The following GDE1 variants were observed in gnomAD, a reference collection of about 807,000 sequenced individuals.
The protein encoded by GDE1 is RGS16-interacting membrane protein.
Under a neutral mutation model 32.2 loss-of-function variants are expected in GDE1, and 24 were observed. The ratio of observed to expected loss-of-function variants is 0.75; its 90% CI spans 0.54 to 1.05. The LOEUF is 1.05. GDE1 is among the 50% of genes least tolerant of loss of function. The pLI is 0.00. For missense variants in GDE1, 380 were observed against 415.0 expected, an observed-to-expected ratio of 0.92 and a Z score of 0.73; for synonymous variants, 159 against 158.6, an observed-to-expected ratio of 1.00 and a Z score of -0.02.
At chr16:19,505,660 G>A (rs565752705) in intron 4 of GDE1, among the ~76,000 whole-genome samples, 3 of 152,152 alleles carry the variant, frequency 2.0e-5, no homozygotes, top group African/African-American at 7.2e-5. Flanking sequence ...GCTCCTCTGG[G>A]GGAATGTCTT....
rs551330107 is a variant in GDE1, at chr16:19,503,801, C to T, written c.849-184G>A. ...CAGGATGCCATGAACCTCCTCTACA[C>T]TGTCCCAGCTTAAAACATTTCAGTA... On this transcript the variant is annotated intron_variant, in intron 5 of 5. Coordinates refer to ENST00000353258, the MANE Select transcript of GDE1 (RefSeq NM_016641.4). The T allele has an allele frequency of 9.4e-5, 50 of 534,052 alleles. 1 individual carries two copies. The South Asian group carries it at 1.4e-3, about 14-fold the overall frequency. 33.1% of individuals were successfully genotyped at this position (534,052 alleles called of 1,614,324 possible).
chr16:19,512,834 G>A (rs1035937704), intron 2 of GDE1, among the ~76,000 whole-genome samples: 2 of 151,738 alleles, frequency 1.3e-5, no homozygotes, highest in East Asian at 3.9e-4. Context: ...CCACTGTAAT[G>A]TTCTTGGTGC....
intron 3 of GDE1, among the ~76,000 whole-genome samples, chr16:19,509,742 CCT>C (rs1192467411): frequency 1.3e-5 from 2 of 151,130 alleles, no homozygotes; most frequent in Admixed American, 1.3e-4. Flanking sequence ...CTCAGTGCAA[CCT>C]CTGTCTCCCC....
intron 2 of GDE1, among the ~76,000 whole-genome samples, chr16:19,514,033 T>C (rs547511928): frequency 6.6e-6 from 1 of 152,262 alleles, no homozygotes; most frequent in African/African-American, 2.4e-5. Flanking sequence ...AGATTAGAGA[T>C]TGATGGTCTT....
chr16:19,522,064 G>A lies in GDE1; in HGVS notation c.-100C>T. On this transcript the variant is annotated 5_prime_UTR_variant, in exon 1 of 6. Coordinates refer to ENST00000353258, the MANE Select transcript of GDE1 (RefSeq NM_016641.4). ...GGGAGGGTCCAAGGCACCGGCAGCA[G>A]CAGGAACCCTCTGAGGGGACCAGCG... 8 of 1,276,226 alleles carry A rather than the reference G, an allele frequency of 6.3e-6. No individual in the cohort carries two copies. Among genetic ancestry groups the A allele is most frequent in the Non-Finnish European group, 8.5e-6 (8 of 946,518 alleles). 79.1% of individuals were successfully genotyped at this position (1,276,226 alleles called of 1,614,324 possible). A position where few individuals can be genotyped will look rare whatever the true frequency, so the allele number is the denominator to read the frequency against.
intron 2 of GDE1, among the ~76,000 whole-genome samples, chr16:19,515,967 C>T (rs1969375811): frequency 6.6e-6 from 1 of 152,054 alleles, no homozygotes; most frequent in Non-Finnish European, 1.5e-5. Context: ...AGGGTGTTTA[C>T]CGCTGTAAGT....
Position 19,511,718 on chromosome 16 carries a change from C to T in GDE1, c.438-774G>A, listed in dbSNP as rs62026183. ...CTCCTTATTCTCCTCTTCCCCCAAC[C>T]CCAAACCCTTCCCAGCCTCTGGTAA... On this transcript the variant is annotated intron_variant, in intron 2 of 5. Coordinates refer to ENST00000353258, the MANE Select transcript of GDE1 (RefSeq NM_016641.4). 7.3e-3 allele frequency among the ~76,000 whole-genome samples: 1,110 copies of T among 152,228 alleles called. 8 individuals are homozygous for T. Among genetic ancestry groups the T allele is most frequent in the South Asian group, 0.02 (96 of 4,824 alleles).
At chr16:19,511,149 C>G (rs1288285261) in intron 2 of GDE1, among the ~76,000 whole-genome samples, 1 of 151,250 alleles carries the variant, frequency 6.6e-6, no homozygotes, top group Non-Finnish European at 1.5e-5. Context: ...GTTGCCCAGC[C>G]TGGAGTGCAG....
intron 2 of GDE1, 127 bp from the exon 3 acceptor site, chr16:19,511,071 C>A: frequency 1.9e-6 from 1 of 532,566 alleles, no homozygotes; most frequent in Non-Finnish European, 3.4e-6. Flanking sequence ...TTTTTTCGAC[C>A]ATAGCAAAGT....
chr16:19,518,701 G>C (rs1969412194), intron 1 of GDE1, among the ~76,000 whole-genome samples: 1 of 152,170 alleles, frequency 6.6e-6, no homozygotes, highest in Admixed American at 6.5e-5. Context: ...AGAGCACTGT[G>C]CTAGTGAATA....
rs1969186433 is a variant in GDE1, at chr16:19,502,372, ATCTTTT to A, written c.*1092_*1097del. 1 of 101,882 alleles carries A rather than the reference ATCTTTT, an allele frequency of 9.8e-6. No homozygotes were observed. Among genetic ancestry groups the A allele is most frequent in the African/African-American group, 3.7e-5 (1 of 26,960 alleles). 6.3% of individuals were successfully genotyped at this position (101,882 alleles called of 1,614,324 possible). On this transcript the variant is annotated 3_prime_UTR_variant, in exon 6 of 6. Coordinates refer to ENST00000353258, the MANE Select transcript of GDE1 (RefSeq NM_016641.4). ...ACAAGATGTTCTAGAAGTTCTAGTT[ATCTTTT>A]TTTTTTTTTTTTTTTTTTTTTTTTT...
chr16:19,519,680 A>G lies in GDE1; in HGVS notation c.261+2024T>C, dbSNP rs186259056. 2.3e-3 allele frequency among the ~76,000 whole-genome samples: 345 copies of G among 152,304 alleles called. 3 individuals are homozygous for G. The highest frequency in any genetic ancestry group is 0.01 in the Middle Eastern group (3 of 294). On this transcript the variant is annotated intron_variant, in intron 1 of 5. Transcript: ENST00000353258. ...TCATCTTTTTATCTCAATTACTGGA[A>G]TAACATAGAAGTACTGGTAAAGCTG...
intron 4 of GDE1, 158 bp downstream of exon 4, chr16:19,507,529 C>T (rs1038642303): frequency 8.4e-6 from 5 of 594,364 alleles, no homozygotes; most frequent in Admixed American, 6.4e-5. Flanking sequence ...GAGTACATTC[C>T]CCTTCTGGAA....
At chr16:19,520,194 A>C (rs1237659027) in intron 1 of GDE1, among the ~76,000 whole-genome samples, 3 of 151,994 alleles carry the variant, frequency 2.0e-5, no homozygotes, top group African/African-American at 7.3e-5. Context: ...AAAGGAATGA[A>C]ATTACACCCA....
chr16:19,507,705 C>G lies in GDE1; in HGVS notation c.618G>C (p.Leu206Phe). Reference sequence around the variant, plus strand: ...ATGTTACCTTGTAGATAACTTCTGGCAAGAAAGAACAGACCACACTATTAT... The same window carrying G: ...ATGTTACCTTGTAGATAACTTCTGGGAAGAAAGAACAGACCACACTATTAT... The part of the protein sequence containing the change: ...LYNNSVVCSF[L>F]PEVIYKMRQT... The change falls in exon 4 of 6, where the codon TTG (leucine) becomes TTC (phenylalanine). Residue 206 changes from leucine (L) to phenylalanine (F), a missense_variant. By Grantham distance (22) the Leu-to-Phe change is conservative (BLOSUM62 0). Coordinates refer to ENST00000353258, the MANE Select transcript of GDE1 (RefSeq NM_016641.4). 1 of 1,568,106 alleles carries G rather than the reference C, an allele frequency of 6.4e-7. No individual in the cohort carries two copies. The highest frequency in any genetic ancestry group is 8.8e-7 in the Non-Finnish European group (1 of 1,138,194).
chr16:19,503,373 T>C lies in GDE1; in HGVS notation c.*97A>G, dbSNP rs1279809884. On this transcript the variant is annotated 3_prime_UTR_variant, in exon 6 of 6. Coordinates refer to ENST00000353258, the MANE Select transcript of GDE1 (RefSeq NM_016641.4). Reference sequence around the variant, plus strand: ...AACTATTGCATTTGTGTGAGTCACCTGATTCCCCAGGGCCTGGGCTAGCAC... The same window carrying C: ...AACTATTGCATTTGTGTGAGTCACCCGATTCCCCAGGGCCTGGGCTAGCAC... The C allele has an allele frequency of 1.4e-5, 15 of 1,086,510 alleles. No homozygotes were observed. The Admixed American group carries it at 3.4e-4, about 25-fold the overall frequency. 67.3% of individuals were successfully genotyped at this position (1,086,510 alleles called of 1,614,324 possible). A position where few individuals can be genotyped will look rare whatever the true frequency, so the allele number is the denominator to read the frequency against.
At chr16:19,504,258 G>A (rs932637985) in intron 5 of GDE1, 19 of 152,908 alleles carry the variant, frequency 1.2e-4, no homozygotes, top group South Asian at 2.1e-4. Flanking sequence ...GGCTATAAAC[G>A]TCACGAGGGC....
intron 1 of GDE1, 110 bp downstream of exon 1, chr16:19,521,594 C>T (rs1371055132): frequency 1.0e-5 from 13 of 1,240,574 alleles, no homozygotes; most frequent in Non-Finnish European, 1.3e-5. Flanking sequence ...GCCTTGTGGA[C>T]GAATGAGGAA....
chr16:19,515,215 C>CT (rs1343662762), intron 2 of GDE1, among the ~76,000 whole-genome samples: 1 of 152,084 alleles, frequency 6.6e-6, no homozygotes, highest in Non-Finnish European at 1.5e-5. Flanking sequence ...CCTTATCCTC[C>CT]TCTCAGGACA....
Sources: gnomAD v4.1 joint callset for allele counts (sites outside exome capture counted in the v4.1 genomes callset) on GRCh38, gnomAD v4.1.1 for gene constraint, MANE v1.5 for transcripts, NCBI Gene and HGNC (gene_info 2026-07-23, HGNC 2026-07-21) for gene names.